CHN1: variants seen among roughly 807,000 people sequenced by gnomAD.
CHN1 encodes chimerin 1.
A neutral mutation model predicts 59.5 loss-of-function variants in CHN1; 37 were observed. That is an observed-to-expected ratio of 0.62 (90% CI 0.48 to 0.82). The LOEUF (loss-of-function observed/expected upper bound fraction) is 0.82. Ranked by LOEUF, CHN1 falls within the 40% of genes least tolerant of loss-of-function variation. The pLI is 0.00. For missense variants in CHN1, 469 were observed against 571.0 expected, an observed-to-expected ratio of 0.82 and a Z score of 1.82; for synonymous variants, 206 against 200.4, an observed-to-expected ratio of 1.03 and a Z score of -0.24.
intron 6 of CHN1, among the ~76,000 whole-genome samples, chr2:174,857,416 A>AT (rs1043479609): frequency 2.0e-5 from 3 of 151,998 alleles, no homozygotes; most frequent in African/African-American, 7.2e-5. Flanking sequence ...ATACAGTCTT[A>AT]TTTTTTCACT....
intron 6 of CHN1, among the ~76,000 whole-genome samples, chr2:174,877,284 T>C (rs1400431276): frequency 6.6e-6 from 1 of 152,136 alleles, no homozygotes; most frequent in East Asian, 1.9e-4. Context: ...AAAGTAAAAG[T>C]GAATCTTACT....
rs182961840 is a variant in CHN1, at chr2:174,812,864, T to C, written c.713-382A>G. On this transcript the variant is annotated intron_variant, in intron 8 of 12. Transcript: ENST00000409900. ...ATGTGGGGTATAATTGCATTTTAAG[T>C]ATATTTGATATAAAGCGGAATTGGA... 1.2e-4 allele frequency among the ~76,000 whole-genome samples: 19 copies of C among 152,352 alleles called. No individual in the cohort carries two copies. The East Asian group carries it at 3.1e-3, about 25-fold the overall frequency.
At chr2:175,003,216 AAC>A (rs1211278593) in intron 1 of CHN1, among the ~76,000 whole-genome samples, 2 of 152,248 alleles carry the variant, frequency 1.3e-5, no homozygotes, top group Non-Finnish European at 2.9e-5. Flanking sequence ...TTTGTTTTAT[AAC>A]ACAGAAACGT....
intron 3 of CHN1, among the ~76,000 whole-genome samples, chr2:174,939,476 C>A (rs1439647904): frequency 6.6e-6 from 1 of 152,068 alleles, no homozygotes; most frequent in Admixed American, 6.6e-5. Context: ...GTTTTTATTC[C>A]TTCAACTTTT....
Position 174,799,837 on chromosome 2 carries a change from G to C in CHN1, c.*279C>G. On this transcript the variant is annotated 3_prime_UTR_variant, in exon 13 of 13. Transcript: ENST00000409900. ...CAGGCGCAGGTTTGTTGTTTCTTCT[G>C]TATGGGGTTTCCTTGCCAGATAGGG... 2 of 568,576 alleles carry C rather than the reference G, an allele frequency of 3.5e-6. No homozygotes were observed. Among genetic ancestry groups the C allele is most frequent in the Non-Finnish European group, 6.7e-6 (2 of 299,968 alleles). 35.2% of individuals were successfully genotyped at this position (568,576 alleles called of 1,614,324 possible).
chr2:174,941,056 C>G (rs995739648), intron 3 of CHN1, among the ~76,000 whole-genome samples: 3 of 152,098 alleles, frequency 2.0e-5, no homozygotes, highest in Non-Finnish European at 4.4e-5. Context: ...TACGGACTTA[C>G]AAATTCTCTC....
chr2:174,949,227 A>C (rs1689943336), intron 2 of CHN1, among the ~76,000 whole-genome samples: 1 of 152,246 alleles, frequency 6.6e-6, no homozygotes, highest in African/African-American at 2.4e-5. Flanking sequence ...AATATAAACA[A>C]AAAGTTCAAC....
At chr2:174,815,589 CTTT>C (rs5836474) in intron 8 of CHN1, among the ~76,000 whole-genome samples, 1 of 127,580 alleles carries the variant, frequency 7.8e-6, no homozygotes, top group Admixed American at 7.8e-5. Context: ...CGGATATTTC[CTTT>C]TTTTTTTTTT....
rs140493586 is a variant in CHN1 at position 174,838,167 on chromosome 2, C to T, written c.627+8713G>A. Among the ~76,000 whole-genome samples, 1,172 of 152,142 alleles carry T rather than the reference C, an allele frequency of 7.7e-3. 6 individuals are homozygous for T. The highest frequency in any genetic ancestry group is 0.017 in the South Asian group (80 of 4,820). ...GGAGTGCAATGGCACGATCTTGGCT[C>T]ATTGCAACCTCCGCCTCCCAGGTTT... On this transcript the variant is annotated intron_variant, in intron 7 of 12. Transcript: ENST00000409900.
intron 7 of CHN1, among the ~76,000 whole-genome samples, chr2:174,840,666 A>G (rs1260862691): frequency 1.3e-5 from 2 of 152,172 alleles, no homozygotes; most frequent in Admixed American, 6.5e-5. Flanking sequence ...GGAGCTAGGA[A>G]AGCCTGGAGA....
At chr2:174,979,166 A>C (rs756479685) in intron 1 of CHN1, among the ~76,000 whole-genome samples, 3 of 152,226 alleles carry the variant, frequency 2.0e-5, no homozygotes, top group Admixed American at 6.5e-5. Flanking sequence ...TCATTTACTA[A>C]ATTTTATGAA....
At chr2:174,883,965 CTTTT>C (rs141023955) in intron 5 of CHN1, among the ~76,000 whole-genome samples, 3 of 121,510 alleles carry the variant, frequency 2.5e-5, no homozygotes, top group Non-Finnish European at 5.2e-5. Flanking sequence ...AGTCTAACTT[CTTTT>C]TTTTTTTTTT....
At chr2:174,947,225 G>GA (rs1224350839) in intron 2 of CHN1, among the ~76,000 whole-genome samples, 1 of 152,014 alleles carries the variant, frequency 6.6e-6, no homozygotes, top group African/African-American at 2.4e-5. Flanking sequence ...GAGCCACTAT[G>GA]AAAAAAAGGG....
chr2:174,959,280 A>G (rs1690320918), intron 1 of CHN1, among the ~76,000 whole-genome samples: 1 of 152,188 alleles, frequency 6.6e-6, no homozygotes, highest in Non-Finnish European at 1.5e-5. Context: ...AGAACACTTA[A>G]AAATTATTTT....
At chr2:174,903,979 T>G (rs1688465287) in intron 5 of CHN1, among the ~76,000 whole-genome samples, 1 of 152,056 alleles carries the variant, frequency 6.6e-6, no homozygotes, top group Non-Finnish European at 1.5e-5. Context: ...AAACTAAGAG[T>G]AGGCTGGGCA....
rs181702403 is a variant in CHN1 at position 174,900,256 on chromosome 2, G to C, written c.260+14802C>G. On this transcript the variant is annotated intron_variant, in intron 5 of 12. Transcript: ENST00000409900. ...CTACAATCACAGCACTCTGGGACCC[G>C]GAGAAGGGAGGATTGCTTCTCGGGC... Among the ~76,000 whole-genome samples, 675 of 152,214 alleles carry C rather than the reference G, an allele frequency of 4.4e-3. 6 individuals are homozygous for C. The highest frequency in any genetic ancestry group is 0.015 in the African/African-American group (636 of 41,526).
At chr2:174,927,639 T>A (rs1689216190) in intron 3 of CHN1, among the ~76,000 whole-genome samples, 2 of 152,214 alleles carry the variant, frequency 1.3e-5, no homozygotes, top group South Asian at 4.1e-4. Flanking sequence ...TTCAAGACAG[T>A]AGTCCAAAAA....
At chr2:174,865,081 T>G (rs1485445620) in intron 6 of CHN1, among the ~76,000 whole-genome samples, 1 of 152,188 alleles carries the variant, frequency 6.6e-6, no homozygotes, top group East Asian at 1.9e-4. Flanking sequence ...AAGCTACACT[T>G]TAAGAAAGGA....
At chr2:174,966,671 T>G (rs1416704634) in intron 1 of CHN1, among the ~76,000 whole-genome samples, 1 of 152,222 alleles carries the variant, frequency 6.6e-6, no homozygotes, top group Admixed American at 6.5e-5. Context: ...AATGGGTCAT[T>G]TAACTCAATC....
Sources: allele counts gnomAD v4.1 joint callset (sites outside exome capture counted in the v4.1 genomes callset), GRCh38; gene constraint gnomAD v4.1.1; transcripts MANE v1.5; gene names NCBI Gene and HGNC (gene_info 2026-07-23, HGNC 2026-07-21).